Variants in HK2 observed in about 807,000 individuals in gnomAD.
HK2 encodes the protein hexokinase-2.
A neutral mutation model predicts 92.9 loss-of-function variants in HK2; 42 were observed. That is an observed-to-expected ratio of 0.45 (90% CI 0.35 to 0.58). The LOEUF (loss-of-function observed/expected upper bound fraction) is 0.58, where lower values mean the gene tolerates loss of function less well. HK2 is among the 20% of genes least tolerant of loss of function. The pLI is 0.00. For synonymous variants in HK2, 422 were observed against 468.0 expected (o/e 0.90, Z 1.27); for missense variants, 978 against 1,245.1 (o/e 0.79, Z 3.23).
chr2:74,855,863 C>T lies in HK2; in HGVS notation c.226+1408C>T, dbSNP rs149003344. ...GGGGCCCGGCTGTTGAGCCCAGCTG[C>T]CTGGGAATGGCAACATCCCAGAGAA... On this transcript the variant is annotated intron_variant, in intron 2 of 17. Coordinates refer to ENST00000290573, the MANE Select transcript of HK2 (RefSeq NM_000189.5). Among the ~76,000 whole-genome samples, 892 of 152,160 alleles carry T rather than the reference C, an allele frequency of 5.9e-3. 11 individuals carry two copies. Among genetic ancestry groups the T allele is most frequent in the African/African-American group, 0.02 (823 of 41,496 alleles).
At chr2:74,885,882 ACAC>A (rs1558805571) in intron 13 of HK2, among the ~76,000 whole-genome samples, 6 of 150,760 alleles carry the variant, frequency 4.0e-5, no homozygotes, top group Admixed American at 1.3e-4. Flanking sequence ...ACACACACAC[ACAC>A]AGTAAAGGAA....
intron 8 of HK2, among the ~76,000 whole-genome samples, 168 bp downstream of exon 8, chr2:74,877,489 C>A (rs543436538): frequency 6.6e-6 from 1 of 152,274 alleles, no homozygotes; most frequent in East Asian, 1.9e-4. Context: ...ACTTACCAGT[C>A]TCCACTCTTG....
chr2:74,886,818 G>A (rs1485828810), intron 15 of HK2, 145 bp downstream of exon 15: 14 of 856,702 alleles, frequency 1.6e-5, no homozygotes, highest in South Asian at 1.3e-4. Context: ...GTTTCTTGTC[G>A]AATGCACCTG....
intron 1 of HK2, among the ~76,000 whole-genome samples, chr2:74,842,742 C>G (rs1489490765): frequency 1.3e-5 from 2 of 152,238 alleles, no homozygotes; most frequent in African/African-American, 4.8e-5. Context: ...CATCCTTAAG[C>G]TCTTCCTCTA....
At chr2:74,840,258 ATT>A (rs372633486) in intron 1 of HK2, among the ~76,000 whole-genome samples, 21 of 132,472 alleles carry the variant, frequency 1.6e-4, no homozygotes, top group Middle Eastern at 4.0e-3. Context: ...CGCGCCAGGC[ATT>A]TTTTTTTTTT....
intron 17 of HK2, among the ~76,000 whole-genome samples, chr2:74,889,931 T>C (rs1170666763): frequency 6.6e-6 from 1 of 152,276 alleles, no homozygotes; most frequent in African/African-American, 2.4e-5. Flanking sequence ...TTTTCAGAGC[T>C]GTATAGCGTA....
rs71406901 is a variant in HK2, at chr2:74,885,845, A to AACACACACACACACAC, written c.1935+282_1935+297dup. ...TGGCAGGTGCTGTTAAGAGCTGTGAAACACACACACACACACACACACACA... is the reference window on the plus strand; with the variant it reads ...TGGCAGGTGCTGTTAAGAGCTGTGAAACACACACACACACACACACACACACACACACACACACACA... On this transcript the variant is annotated intron_variant, in intron 13 of 17. Transcript: ENST00000290573. Among the ~76,000 whole-genome samples, 627 of 129,126 alleles carry AACACACACACACACAC rather than the reference A, an allele frequency of 4.9e-3. 9 individuals are homozygous for AACACACACACACACAC. Among genetic ancestry groups the AACACACACACACACAC allele is most frequent in the East Asian group, 0.028 (124 of 4,378 alleles). The allele number at this position is 129,126 out of a possible 152,430, so 84.7% of individuals were successfully genotyped here.
intron 1 of HK2, among the ~76,000 whole-genome samples, chr2:74,850,978 C>G (rs1224195619): frequency 6.6e-6 from 1 of 152,230 alleles, no homozygotes; most frequent in Non-Finnish European, 1.5e-5. Flanking sequence ...GGCCAAGCTA[C>G]TGGCCTGGAC....
At chr2:74,883,607 C>T (rs1689452219) in intron 12 of HK2, among the ~76,000 whole-genome samples, 1 of 152,212 alleles carries the variant, frequency 6.6e-6, no homozygotes, top group African/African-American at 2.4e-5. Context: ...GCCTCCTTCT[C>T]CTCCTTATCT....
intron 1 of HK2, among the ~76,000 whole-genome samples, chr2:74,845,234 C>A (rs1056793370): frequency 6.6e-6 from 1 of 152,198 alleles, no homozygotes; most frequent in Non-Finnish European, 1.5e-5. Flanking sequence ...CTGTCTTCTG[C>A]CAATAGACTC....
intron 1 of HK2, chr2:74,835,043 C>G: frequency 3.4e-6 from 1 of 294,444 alleles, no homozygotes; most frequent in South Asian, 3.3e-5. Flanking sequence ...ATCGTGGCTG[C>G]GGGAGGCTGC....
At chr2:74,845,786 AC>A (rs1688421205) in intron 1 of HK2, among the ~76,000 whole-genome samples, 1 of 152,214 alleles carries the variant, frequency 6.6e-6, no homozygotes, top group African/African-American at 2.4e-5. Context: ...CAGGAGACTT[AC>A]AGAATCCATG....
chr2:74,846,893 CCTTT>C (rs1268117907), intron 1 of HK2, among the ~76,000 whole-genome samples: 1 of 152,166 alleles, frequency 6.6e-6, no homozygotes, highest in African/African-American at 2.4e-5. Flanking sequence ...AAGGTATGGT[CCTTT>C]CTAAGTTTCT....
At position 74,874,372 on chromosome 2, in the gene HK2, C is replaced by T. The variant is rs535209001; in HGVS notation, c.798C>T (p.Asp266=). 5.6e-5 allele frequency: 91 copies of T among 1,613,950 alleles called. 2 individuals carry two copies. The South Asian group carries it at 6.2e-4, about 11-fold the overall frequency. ...ATATGGAGTGGGGGGCCTTCGGGGA[C>T]GATGGCTCGCTCAACGACATTCGCA... is the stretch of plus-strand genomic sequence containing the variant. ...CINMEWGAFG[D]DGSLNDIRTE... The change falls in exon 7 of 18, where the codon GAC becomes GAT. Residue 266 remains aspartate, a synonymous_variant. Coordinates refer to ENST00000290573, the MANE Select transcript of HK2 (RefSeq NM_000189.5).
rs560072117 is a variant in HK2 at position 74,867,530 on chromosome 2, G to A, written c.227-106G>A. ...TGTAGAGGAGTGAATCCCACTGGCC[G>A]CCCCTTACCCACAGATATTCCTGGA... On this transcript the variant is annotated intron_variant, in intron 2 of 17. Coordinates refer to ENST00000290573, the MANE Select transcript of HK2 (RefSeq NM_000189.5). 2.2e-4 allele frequency: 273 copies of A among 1,220,512 alleles called. No homozygotes were observed. In the African/African-American group the frequency reaches 3.1e-3, roughly 14 times the overall value. The allele number at this position is 1,220,512 out of a possible 1,614,324, so 75.6% of individuals were successfully genotyped here.
chr2:74,877,390 G>T, intron 8 of HK2, 69 bp downstream of exon 8: 17 of 1,556,810 alleles, frequency 1.1e-5, no homozygotes, highest in Non-Finnish European at 1.5e-5. Flanking sequence ...TGGGGAATGA[G>T]GAGGGGGCTG....
In HK2 at chr2:74,834,226, T is replaced by G. The variant is rs1688088278; in HGVS notation, c.-355T>G. ...TCCGCGGGCCCGAGCCACGCGCCTG[T>G]GAATCGGAGAGGTCCCACTGCCCGA... On this transcript the variant is annotated 5_prime_UTR_variant, in exon 1 of 18. Transcript: ENST00000290573. The surrounding 1 kb of genome is among the most constrained non-coding windows in gnomAD (Gnocchi z 4.2). 5.1e-6 allele frequency: 2 copies of G among 395,126 alleles called. No individual in the cohort carries two copies. Among genetic ancestry groups the G allele is most frequent in the Non-Finnish European group, 9.7e-6 (2 of 206,956 alleles). 24.5% of individuals were successfully genotyped at this position (395,126 alleles called of 1,614,324 possible).
chr2:74,855,609 T>A (rs925033137), intron 2 of HK2, among the ~76,000 whole-genome samples: 1 of 152,186 alleles, frequency 6.6e-6, no homozygotes, highest in Non-Finnish European at 1.5e-5. Context: ...CGGTGGAGAT[T>A]CAAGTTGGAA....
Position 74,881,964 on chromosome 2 carries a change from T to A in HK2, c.1719+105T>A, listed in dbSNP as rs1689406454. On this transcript the variant is annotated intron_variant, in intron 11 of 17. Transcript: ENST00000290573. ...ATCTGTGACCCTGGGGAGGGCTAGC[T>A]GGACCCAGGGCTGCAGCCTGGTCTT... is the stretch of plus-strand genomic sequence containing the variant. 5 of 1,454,702 alleles carry A rather than the reference T, an allele frequency of 3.4e-6. No individual in the cohort carries two copies. The African/African-American group carries it at 7.0e-5, about 20-fold the overall frequency. 90.1% of individuals were successfully genotyped at this position (1,454,702 alleles called of 1,614,324 possible).
Sources: allele counts gnomAD v4.1 joint callset (sites outside exome capture counted in the v4.1 genomes callset), GRCh38; gene constraint gnomAD v4.1.1; non-coding constraint Gnocchi (gnomAD v3.1); transcripts MANE v1.5; gene names NCBI Gene and HGNC (gene_info 2026-07-23, HGNC 2026-07-21).